OTOGL: variants seen among roughly 807,000 people sequenced by gnomAD.
OTOGL encodes otogelin-like protein.
OTOGL carries 285 observed loss-of-function variants against 318.5 expected under a neutral mutation model. The ratio of observed to expected loss-of-function variants is 0.89; its 90% confidence interval spans 0.81 to 0.99. The LOEUF (loss-of-function observed/expected upper bound fraction) is 0.99, where lower values mean the gene tolerates loss of function less well. Among genes scored for constraint, OTOGL ranks in the 50% least tolerant of loss-of-function variants. The pLI is 0.00. For synonymous variants in OTOGL, 987 were observed against 936.5 expected (o/e 1.05, Z -0.99); for missense variants, 2,899 against 2,845.6 (o/e 1.02, Z -0.43).
At chr12:80,127,077 T>C (rs1157298741) in intron 1 of OTOGL, among the ~76,000 whole-genome samples, 2 of 152,224 alleles carry the variant, frequency 1.3e-5, no homozygotes, top group Non-Finnish European at 2.9e-5. Flanking sequence ...AATTTGATCC[T>C]GTCATTGTGA....
chr12:80,184,623 A>C (rs2137247105), intron 1 of OTOGL, among the ~76,000 whole-genome samples: 1 of 152,188 alleles, frequency 6.6e-6, no homozygotes, highest in South Asian at 2.1e-4. Flanking sequence ...GCATTCCTAA[A>C]ATTGAGATAA....
chr12:80,200,932 T>C (rs185279476), intron 1 of OTOGL, among the ~76,000 whole-genome samples: 211 of 152,216 alleles, frequency 1.4e-3, no homozygotes, highest in African/African-American at 5.0e-3. Flanking sequence ...ACTTTGGCAA[T>C]GGAGGACGCC....
intron 19 of OTOGL, among the ~76,000 whole-genome samples, chr12:80,263,934 C>T (rs556125112): frequency 8.5e-5 from 13 of 152,124 alleles, no homozygotes; most frequent in Admixed American, 7.9e-4. Context: ...AAACAGTATA[C>T]TGCTATAGTT....
chr12:80,173,068 G>A (rs7959402), intron 1 of OTOGL, among the ~76,000 whole-genome samples: 6 of 152,098 alleles, frequency 3.9e-5, no homozygotes, highest in Admixed American at 6.5e-5. Flanking sequence ...CTGCACATTC[G>A]GAACATGTAC....
intron 29 of OTOGL, among the ~76,000 whole-genome samples, chr12:80,306,887 G>A (rs903940479): frequency 6.0e-5 from 9 of 150,892 alleles, no homozygotes; most frequent in Non-Finnish European, 1.0e-4. Context: ...GACAATAGTG[G>A]AGGGAAGGTC....
At chr12:80,126,171 G>T (rs528130461) in intron 1 of OTOGL, among the ~76,000 whole-genome samples, 1 of 151,858 alleles carries the variant, frequency 6.6e-6, no homozygotes, top group Non-Finnish European at 1.5e-5. Flanking sequence ...TCTCTTGTGG[G>T]CATTTAGTGC....
intron 3 of OTOGL, 44 bp from the exon 4 acceptor site, chr12:80,211,905 C>T: frequency 6.8e-7 from 1 of 1,480,752 alleles, no homozygotes; most frequent in South Asian, 1.2e-5. Flanking sequence ...GTTCAGGTTG[C>T]CTAGGGGCCT....
chr12:80,116,479 G>C (rs1026739438), intron 1 of OTOGL, among the ~76,000 whole-genome samples: 2 of 152,074 alleles, frequency 1.3e-5, no homozygotes, highest in Non-Finnish European at 2.9e-5. Context: ...ACTGCATATA[G>C]GAGCTGTTCC....
intron 33 of OTOGL, among the ~76,000 whole-genome samples, chr12:80,319,340 G>A (rs1198186639): frequency 6.6e-6 from 1 of 152,162 alleles, no homozygotes; most frequent in East Asian, 1.9e-4. Context: ...GTCTACATAA[G>A]TCTACCTGGA....
chr12:80,197,936 TTC>T (rs1179587191), intron 1 of OTOGL, among the ~76,000 whole-genome samples: 1 of 152,206 alleles, frequency 6.6e-6, no homozygotes, highest in Non-Finnish European at 1.5e-5. Context: ...GTATAAAAAT[TTC>T]TTTCTTTGGC....
At chr12:80,371,008 C>T (rs1021091795) in intron 56 of OTOGL, among the ~76,000 whole-genome samples, 2 of 151,988 alleles carry the variant, frequency 1.3e-5, no homozygotes, top group African/African-American at 4.8e-5. Context: ...GGAATCAGAG[C>T]TTGGCCAATT....
intron 1 of OTOGL, among the ~76,000 whole-genome samples, chr12:80,122,960 C>G (rs1375963501): frequency 6.6e-6 from 1 of 151,430 alleles, no homozygotes; most frequent in Non-Finnish European, 1.5e-5. Flanking sequence ...GAGCCTGAAC[C>G]AGGCTCCAGG....
chr12:80,368,383 T>TTC lies in OTOGL; in HGVS notation c.6615+74_6615+75insTC, dbSNP rs747780698. The TTC allele has an allele frequency of 4.2e-6, 3 of 709,476 alleles. No homozygotes were observed. The African/African-American group carries it at 5.1e-5, about 12-fold the overall frequency. 43.9% of individuals were successfully genotyped at this position (709,476 alleles called of 1,614,324 possible). ...TTCTTGAGTCAAAGTTTGGAAAATG[T>TTC]CCCCCCCCACACACACTGCACTGCA... is the stretch of plus-strand genomic sequence containing the variant. On this transcript the variant is annotated intron_variant, in intron 55 of 58. Transcript: ENST00000547103.
intron 30 of OTOGL, among the ~76,000 whole-genome samples, chr12:80,312,341 A>C (rs887241257): frequency 1.6e-4 from 25 of 152,232 alleles, no homozygotes; most frequent in African/African-American, 5.1e-4. Context: ...AGAGATTTGC[A>C]AAAATGTAAA....
intron 1 of OTOGL, among the ~76,000 whole-genome samples, chr12:80,171,548 A>C (rs1347184733): frequency 6.6e-6 from 1 of 152,202 alleles, no homozygotes; most frequent in African/African-American, 2.4e-5. Flanking sequence ...CTTTTCACTA[A>C]TACCATACTG....
chr12:80,122,214 T>G (rs1254844127), intron 1 of OTOGL, among the ~76,000 whole-genome samples: 1 of 152,142 alleles, frequency 6.6e-6, no homozygotes, highest in African/African-American at 2.4e-5. Flanking sequence ...TACCTCTACC[T>G]TCTGAACTTA....
chr12:80,337,085 A>G (rs1888462012), intron 42 of OTOGL, 81 bp downstream of exon 42: 1 of 1,039,604 alleles, frequency 9.6e-7, no homozygotes, highest in African/African-American at 1.6e-5. Context: ...AAGAGGGAAA[A>G]TTAAGCATAT....
intron 37 of OTOGL, among the ~76,000 whole-genome samples, chr12:80,329,797 C>T (rs1887955887): frequency 6.6e-6 from 1 of 152,180 alleles, no homozygotes; most frequent in African/African-American, 2.4e-5. Flanking sequence ...TTTAATTGAG[C>T]ACCAACTCTA....
chr12:80,286,695 A>G (rs754936476), intron 26 of OTOGL, among the ~76,000 whole-genome samples: 32 of 152,122 alleles, frequency 2.1e-4, no homozygotes, highest in Non-Finnish European at 2.1e-4. Context: ...GGTAGTTTGT[A>G]TTTCTGTGTG....
Sources: gnomAD v4.1 joint callset for allele counts (sites outside exome capture counted in the v4.1 genomes callset) on GRCh38, gnomAD v4.1.1 for gene constraint, MANE v1.5 for transcripts, NCBI Gene and HGNC (gene_info 2026-07-23, HGNC 2026-07-21) for gene names.